The following EPM2A variants were observed in gnomAD, a reference collection of about 807,000 sequenced individuals.
EPM2A encodes laforin.
In EPM2A, 21 loss-of-function variants were observed where a neutral mutation model predicts 26.5. The observed-to-expected ratio is 0.79, with a 90% CI of 0.56 to 1.14. The LOEUF (loss-of-function observed/expected upper bound fraction) is 1.14. Ranked by LOEUF, EPM2A falls within the 50% of genes most tolerant of loss-of-function variation. The pLI is 0.00. For missense variants in EPM2A, 458 were observed against 440.8 expected, an observed-to-expected ratio of 1.04 and a Z score of -0.35; for synonymous variants, 217 against 177.6, an observed-to-expected ratio of 1.22 and a Z score of -1.76.
intron 2 of EPM2A, among the ~76,000 whole-genome samples, chr6:145,565,242 G>C (rs1780868458): frequency 7.2e-6 from 1 of 139,262 alleles, no homozygotes; most frequent in Non-Finnish European, 1.6e-5. Flanking sequence ...CTTACCTGCT[G>C]TTTGACTCTG....
At chr6:145,727,779 T>C (rs190060792) in intron 1 of EPM2A, among the ~76,000 whole-genome samples, 27 of 152,338 alleles carry the variant, frequency 1.8e-4, no homozygotes, top group Middle Eastern at 3.4e-3. Context: ...TGGTAATCAC[T>C]ACCCTAATTT....
At chr6:145,730,146 G>T (rs955127948) in intron 1 of EPM2A, among the ~76,000 whole-genome samples, 2 of 152,098 alleles carry the variant, frequency 1.3e-5, no homozygotes, top group Non-Finnish European at 2.9e-5. Context: ...GAAACCATGA[G>T]CCAATTAAAC....
At chr6:145,652,639 C>A (rs1303160652) in intron 2 of EPM2A, among the ~76,000 whole-genome samples, 3 of 151,838 alleles carry the variant, frequency 2.0e-5, no homozygotes, top group Non-Finnish European at 4.4e-5. Context: ...TTGTAATTAT[C>A]ACAAGGATAA....
intron 4 of EPM2A, among the ~76,000 whole-genome samples, chr6:145,453,448 T>C (rs1298948986): frequency 6.6e-6 from 1 of 152,134 alleles, no homozygotes; most frequent in Non-Finnish European, 1.5e-5. Flanking sequence ...GTTGTGTTTT[T>C]TTCTAATAGA....
chr6:145,465,549 T>G (rs1241511923), intron 4 of EPM2A, among the ~76,000 whole-genome samples: 7 of 151,158 alleles, frequency 4.6e-5, no homozygotes, highest in Non-Finnish European at 8.8e-5. Flanking sequence ...GGCGCTCTGC[T>G]TTTTAGAGTT....
intron 2 of EPM2A, among the ~76,000 whole-genome samples, chr6:145,601,022 C>T (rs571272704): frequency 1.2e-4 from 19 of 152,334 alleles, no homozygotes; most frequent in African/African-American, 3.8e-4. Flanking sequence ...CAGACTTGCT[C>T]CTTACTTGGA....
chr6:145,552,789 G>A (rs1051898314), intron 2 of EPM2A, among the ~76,000 whole-genome samples: 1 of 152,104 alleles, frequency 6.6e-6, no homozygotes, highest in Non-Finnish European at 1.5e-5. Context: ...GGCTTTGGAC[G>A]TGGGCTCTGA....
chr6:145,516,093 A>T (rs546381686), intron 2 of EPM2A, among the ~76,000 whole-genome samples: 1 of 152,312 alleles, frequency 6.6e-6, no homozygotes, highest in African/African-American at 2.4e-5. Flanking sequence ...ATTAACCAAA[A>T]GTTACCATAT....
intron 2 of EPM2A, chr6:145,671,024 G>A (rs975547203): frequency 1.0e-6 from 1 of 984,900 alleles, no homozygotes; most frequent in Non-Finnish European, 1.2e-6. Flanking sequence ...TGAATCAGAT[G>A]GAAATGCTAA....
chr6:145,735,740 G>T (rs1478230706), upstream of EPM2A: 1 of 711,348 alleles, frequency 1.4e-6, no homozygotes, highest in Non-Finnish European at 1.8e-6. Context: ...CCGCAACCCC[G>T]CGGGCGGTTG....
rs190393546 is a variant in EPM2A at position 145,417,041 on chromosome 6, C to T, written c.556-32944G>A. On this transcript the variant is annotated intron_variant, in intron 4 of 4. Transcript: ENST00000638717. The stretch of plus-strand genomic sequence containing the variant: ...CTAATGGCTGAAATCTCCCTCATAG[C>T]TAAGCAGACCCAGCCTTGGCCAAGG... 1.0e-3 allele frequency among the ~76,000 whole-genome samples: 154 copies of T among 152,288 alleles called. 1 individual carries two copies. The highest frequency in any genetic ancestry group is 3.5e-3 in the African/African-American group (146 of 41,580).
rs145767690 is a variant in EPM2A at position 145,546,796 on chromosome 6, A to T, written c.341-44221T>A. ...AGATTCCTATATTCCCATATATAAGATTGTATACATTTTTCCTTCAATGAT... is the reference window on the plus strand; with the variant it reads ...AGATTCCTATATTCCCATATATAAGTTTGTATACATTTTTCCTTCAATGAT... On this transcript the variant is annotated intron_variant, in intron 2 of 3. Transcript: ENST00000450221. Among the ~76,000 whole-genome samples, 436 of 152,186 alleles carry T rather than the reference A, an allele frequency of 2.9e-3. 3 individuals carry two copies. The highest frequency in any genetic ancestry group is 0.01 in the African/African-American group (422 of 41,540).
chr6:145,427,750 GTCTCTTTGT>G (rs1186322068), intron 4 of EPM2A, among the ~76,000 whole-genome samples: 2 of 152,104 alleles, frequency 1.3e-5, no homozygotes, highest in Non-Finnish European at 2.9e-5. Context: ...TATGTAACAT[GTCTCTTTGT>G]TCTCTTCTAT....
intron 4 of EPM2A, among the ~76,000 whole-genome samples, chr6:145,488,034 A>C (rs552004555): frequency 6.6e-6 from 1 of 152,092 alleles, no homozygotes; most frequent in Admixed American, 6.6e-5. Context: ...TTTTCTGCTT[A>C]TGGCTAGCCA....
chr6:145,703,664 C>T (rs191641045), intron 1 of EPM2A, among the ~76,000 whole-genome samples: 1 of 152,320 alleles, frequency 6.6e-6, no homozygotes, highest in Non-Finnish European at 1.5e-5. Flanking sequence ...TGACTCTGAT[C>T]TTCATGCTGT....
rs139715575 is a variant in EPM2A at position 145,430,550 on chromosome 6, G to A, written c.556-46453C>T. On this transcript the variant is annotated intron_variant, in intron 4 of 4. Coordinates refer to the EPM2A transcript ENST00000638717. ...TGGAGGGCGGAGGTTGCAGTGAGCC[G>A]AGATGGCACCACTGCACTCCAGCCT... is the stretch of plus-strand genomic sequence containing the variant. Among the ~76,000 whole-genome samples, 424 of 151,806 alleles carry A rather than the reference G, an allele frequency of 2.8e-3. 8 individuals carry two copies. Among genetic ancestry groups the A allele is most frequent in the East Asian group, 0.018 (94 of 5,152 alleles).
chr6:145,581,009 T>C (rs1178352543), intron 2 of EPM2A, among the ~76,000 whole-genome samples: 1 of 152,212 alleles, frequency 6.6e-6, no homozygotes, highest in African/African-American at 2.4e-5. Context: ...GGCAGAATGA[T>C]TTATATTCCT....
chr6:145,554,459 G>GATAGATACATAGATAC (rs1554250302), intron 2 of EPM2A, among the ~76,000 whole-genome samples: 68 of 151,604 alleles, frequency 4.5e-4, no homozygotes, highest in African/African-American at 1.7e-3. Context: ...TAGATAGATA[G>GATAGATACATAGATAC]ATAGATAGAT....
intron 2 of EPM2A, among the ~76,000 whole-genome samples, chr6:145,567,679 C>T (rs183004307): frequency 1.3e-5 from 2 of 152,298 alleles, no homozygotes; most frequent in Admixed American, 6.5e-5. Flanking sequence ...AACTCTTTCC[C>T]CAACCAAGCA....
Sources: gnomAD v4.1 joint callset for allele counts (sites outside exome capture counted in the v4.1 genomes callset) on GRCh38, gnomAD v4.1.1 for gene constraint, MANE v1.5 for transcripts, NCBI Gene and HGNC (gene_info 2026-07-23, HGNC 2026-07-21) for gene names.